Variants in MTO1 observed in about 807,000 individuals in gnomAD.
MTO1 encodes 5-taurinomethyluridine-[tRNA] synthase subunit MTO1, mitochondrial.
In MTO1, 46 loss-of-function variants were observed where a neutral mutation model predicts 71.6. The ratio of observed to expected loss-of-function variants is 0.64; its 90% CI spans 0.51 to 0.82. The LOEUF (loss-of-function observed/expected upper bound fraction) is 0.82. Among genes scored for constraint, MTO1 ranks in the 40% least tolerant of loss-of-function variants. MTO1 has a pLI of 0.00. For synonymous variants in MTO1, 297 were observed against 312.1 expected (o/e 0.95, Z 0.51); for missense variants, 773 against 867.5 (o/e 0.89, Z 1.37).
At position 73,465,116 on chromosome 6, in the gene MTO1, T is replaced by C. The variant is rs1770945437; in HGVS notation, c.218-1093T>C. Among the ~76,000 whole-genome samples, 6 of 152,102 alleles carry C rather than the reference T, an allele frequency of 3.9e-5. No homozygotes were observed. In the South Asian group the frequency reaches 1.2e-3, roughly 31 times the overall value. On this transcript the variant is annotated intron_variant, in intron 1 of 11. Coordinates refer to ENST00000498286, the MANE Select transcript of MTO1 (RefSeq NM_012123.4). ...CAGATGGCATTTATGGAAGACATAA[T>C]TGGTTGTAACTGAACCAGTGCCAAG... is the stretch of plus-strand genomic sequence containing the variant.
At position 73,482,460 on chromosome 6, in the gene MTO1, G is replaced by T; in HGVS notation, c.1477G>T (p.Ala493Ser). The T allele has an allele frequency of 1.2e-6, 2 of 1,612,046 alleles. No homozygotes were observed. The highest frequency in any genetic ancestry group is 1.7e-6 in the Non-Finnish European group (2 of 1,179,532). The change falls in exon 9 of 12, where the codon GCT becomes TCT. Residue 493 changes from alanine to serine, a missense_variant. Coordinates refer to ENST00000498286, the MANE Select transcript of MTO1 (RefSeq NM_012123.4). ...SRLTLRGYKDAGCVSQQRYER... is the reference protein window; with the variant it reads ...SRLTLRGYKDSGCVSQQRYER... ...TCTCCCTTCCCTAGGGTATAAAGAC[G>T]CTGGCTGTGTGTCCCAACAACGATA...
At chr6:73,473,782 A>C (rs938829182) in intron 4 of MTO1, 128 bp downstream of exon 4, 3 of 728,840 alleles carry the variant, frequency 4.1e-6, no homozygotes, top group Non-Finnish European at 6.3e-6. Context: ...AGTGCAAAGA[A>C]ATGATTTTTT....
intron 3 of MTO1, among the ~76,000 whole-genome samples, chr6:73,467,085 A>G (rs1160096451): frequency 1.3e-5 from 2 of 152,082 alleles, no homozygotes; most frequent in African/African-American, 4.8e-5. Context: ...AGGCCGAGGT[A>G]GGTGGATTGC....
intron 11 of MTO1, 123 bp from the exon 12 acceptor site, chr6:73,500,451 A>G: frequency 1.3e-6 from 1 of 741,926 alleles, no homozygotes; most frequent in Non-Finnish European, 2.0e-6. Flanking sequence ...AAGATAATAC[A>G]TCAAAATAAT....
intron 3 of MTO1, among the ~76,000 whole-genome samples, chr6:73,470,773 G>GC (rs1354808999): frequency 6.6e-6 from 1 of 152,078 alleles, no homozygotes; most frequent in Non-Finnish European, 1.5e-5. Context: ...GGCCAACATG[G>GC]CGAAACTCGT....
chr6:73,494,775 C>CTTT (rs532648226), intron 10 of MTO1, among the ~76,000 whole-genome samples: 9 of 131,444 alleles, frequency 6.8e-5, no homozygotes, highest in Non-Finnish European at 1.5e-4. Flanking sequence ...TGCTCCTGGC[C>CTTT]TTTTTTTTTT....
At chr6:73,480,947 G>A (rs1006185468) in intron 7 of MTO1, 142 bp downstream of exon 7, 6 of 634,728 alleles carry the variant, frequency 9.5e-6, no homozygotes, top group Non-Finnish European at 1.5e-5. Flanking sequence ...GGTGTTTGGA[G>A]ATGGCTTTTG....
chr6:73,486,710 C>T, intron 9 of MTO1: 1 of 311,318 alleles, frequency 3.2e-6, no homozygotes, highest in Non-Finnish European at 6.5e-6. Context: ...TGCACCCAAA[C>T]CTGAGGGACA....
In MTO1 at chr6:73,500,892, T is replaced by C; in HGVS notation, c.*157T>C. 1.7e-6 allele frequency: 1 copy of C among 572,170 alleles called. No homozygotes were observed. 35.4% of individuals were successfully genotyped at this position (572,170 alleles called of 1,614,324 possible). ...AGTGGGACAGAAATTATAATTGTGC[T>C]TTTTCGTGTATATGAAAAAACTAGT... is the stretch of plus-strand genomic sequence containing the variant. On this transcript the variant is annotated 3_prime_UTR_variant, in exon 12 of 12. Coordinates refer to ENST00000498286, the MANE Select transcript of MTO1 (RefSeq NM_012123.4).
chr6:73,471,982 T>C (rs571411444), intron 3 of MTO1, among the ~76,000 whole-genome samples: 1 of 147,090 alleles, frequency 6.8e-6, no homozygotes, highest in South Asian at 2.3e-4. Context: ...AGAATAAACC[T>C]CCATTTTACT....
rs181560726 is a variant in MTO1, at chr6:73,481,912, A to G, written c.1261-128A>G. 7.8e-5 allele frequency: 70 copies of G among 903,152 alleles called. No homozygotes were observed. In the African/African-American group the frequency reaches 9.6e-4, roughly 12 times the overall value. 55.9% of individuals were successfully genotyped at this position (903,152 alleles called of 1,614,324 possible). ...AATATGGATCACATTTTCTACCTCT[A>G]TTATATCCCTTAGGGGCAATACTTG... On this transcript the variant is annotated intron_variant, in intron 7 of 11. Transcript: ENST00000498286.
rs140641486 is a variant in MTO1 at position 73,500,694 on chromosome 6, T to A, written c.2038T>A (p.Tyr680Asn). 1.9e-6 allele frequency: 3 copies of A among 1,608,740 alleles called. No homozygotes were observed. In the African/African-American group the frequency reaches 4.0e-5, roughly 21 times the overall value. Reference sequence around the variant, plus strand: ...GAATGAATCATCCAAGACTGATCAATACTTATGTGATGCAGACAGACTTCA... The same window carrying A: ...GAATGAATCATCCAAGACTGATCAAAACTTATGTGATGCAGACAGACTTCA... ...AMNESSKTDQ[Y>N]LCDADRLQER... Residue 680 changes from tyrosine (Y) to asparagine (N), a missense_variant, in exon 12 of 12, where the codon TAC becomes AAC. Coordinates refer to ENST00000498286, the MANE Select transcript of MTO1 (RefSeq NM_012123.4).
intron 3 of MTO1, among the ~76,000 whole-genome samples, chr6:73,469,013 C>T (rs1364077116): frequency 1.3e-5 from 2 of 151,000 alleles, no homozygotes; most frequent in Admixed American, 6.6e-5. Flanking sequence ...GACTTCTTTG[C>T]GTTTTTGGTT....
intron 10 of MTO1, 67 bp from the exon 11 acceptor site, chr6:73,497,669 C>T: frequency 1.4e-6 from 2 of 1,475,638 alleles, no homozygotes; most frequent in Non-Finnish European, 9.3e-7. Flanking sequence ...TAAGAGGCTA[C>T]ATAAATGTAA....
intron 10 of MTO1, among the ~76,000 whole-genome samples, chr6:73,497,510 C>T (rs557452338): frequency 2.6e-5 from 4 of 152,128 alleles, no homozygotes; most frequent in Non-Finnish European, 4.4e-5. Context: ...ATGCACTAAA[C>T]TACTAGACAG....
chr6:73,462,357 C>G (rs1561937435), intron 1 of MTO1: 1 of 408,042 alleles, frequency 2.5e-6, no homozygotes, highest in East Asian at 4.4e-5. Context: ...ACCAACTACT[C>G]GCTGGTAGCT....
At position 73,503,064 on chromosome 6, in the gene MTO1, C is replaced by A. The variant is rs529325341; in HGVS notation, c.*2329C>A. ...GTAACTGTCTCACTGAAAAATGTTT[C>A]ATGGAAAATACATATTTTAGATTCT... is the stretch of plus-strand genomic sequence containing the variant. On this transcript the variant is annotated 3_prime_UTR_variant, in exon 12 of 12. Transcript: ENST00000498286. 5.9e-5 allele frequency: 9 copies of A among 152,240 alleles called. No individual in the cohort carries two copies. The highest frequency in any genetic ancestry group is 2.2e-4 in the African/African-American group (9 of 41,550). The allele number at this position is 152,240 out of a possible 1,614,324, so 9.4% of individuals were successfully genotyped here. A position where few individuals can be genotyped will look rare whatever the true frequency, so the allele number is the denominator to read the frequency against.
chr6:73,475,681 AT>A (rs1771294312), intron 4 of MTO1, among the ~76,000 whole-genome samples: 1 of 151,702 alleles, frequency 6.6e-6, no homozygotes, highest in African/African-American at 2.4e-5. Context: ...CACCTGGCTA[AT>A]TTTGTATTTT....
chr6:73,481,792 G>T (rs775388326), intron 7 of MTO1, among the ~76,000 whole-genome samples: 7 of 151,976 alleles, frequency 4.6e-5, no homozygotes, highest in African/African-American at 1.7e-4. Context: ...ATTAGTCCCC[G>T]CAGAGTGCAG....
Sources: allele counts gnomAD v4.1 joint callset (sites outside exome capture counted in the v4.1 genomes callset), GRCh38; gene constraint gnomAD v4.1.1; transcripts MANE v1.5; gene names NCBI Gene and HGNC (gene_info 2026-07-23, HGNC 2026-07-21).